The following TTC27 variants were observed in gnomAD, a reference collection of about 807,000 sequenced individuals.
TTC27 encodes tetratricopeptide repeat domain 27.
TTC27 carries 79 observed loss-of-function variants against 115.9 expected under a neutral mutation model. The observed-to-expected ratio is 0.68, with a 90% CI of 0.57 to 0.82. The LOEUF (loss-of-function observed/expected upper bound fraction) is 0.82. Ranked by LOEUF, TTC27 falls within the 40% of genes least tolerant of loss-of-function variation. The pLI is 0.00. For missense variants in TTC27, 1,054 were observed against 993.1 expected, an observed-to-expected ratio of 1.06 and a Z score of -0.82; for synonymous variants, 401 against 356.0, an observed-to-expected ratio of 1.13 and a Z score of -1.42.
intron 9 of TTC27, among the ~76,000 whole-genome samples, chr2:32,679,821 G>C (rs1666353871): frequency 6.6e-6 from 1 of 152,044 alleles, no homozygotes; most frequent in Non-Finnish European, 1.5e-5. Flanking sequence ...ATGAAACCCT[G>C]TCTCTACCAA....
At chr2:32,761,179 C>T (rs1426666463) in intron 13 of TTC27, among the ~76,000 whole-genome samples, 1 of 152,162 alleles carries the variant, frequency 6.6e-6, no homozygotes, top group East Asian at 1.9e-4. Context: ...TCCTTATCCT[C>T]ATCCCTATAA....
intron 18 of TTC27, 44 bp downstream of exon 18, chr2:32,812,659 T>A: frequency 7.0e-7 from 1 of 1,431,754 alleles, no homozygotes; most frequent in Non-Finnish European, 9.8e-7. Flanking sequence ...TTTTGACTTA[T>A]TTTCTACTGA....
chr2:32,721,865 G>C (rs1227481415), intron 10 of TTC27, among the ~76,000 whole-genome samples: 2 of 151,960 alleles, frequency 1.3e-5, no homozygotes, highest in African/African-American at 4.8e-5. Flanking sequence ...TGAACTCCTG[G>C]CCCCAACTTC....
intron 16 of TTC27, among the ~76,000 whole-genome samples, chr2:32,808,621 G>C (rs1336328059): frequency 1.3e-5 from 2 of 152,066 alleles, no homozygotes; most frequent in Non-Finnish European, 2.9e-5. Context: ...CATACACAGA[G>C]GAGGCACAAA....
intron 15 of TTC27, among the ~76,000 whole-genome samples, chr2:32,785,389 A>G (rs375162456): frequency 2.0e-5 from 3 of 152,304 alleles, no homozygotes; most frequent in South Asian, 2.1e-4. Flanking sequence ...ATCTTTGGAT[A>G]TAAAGAATCC....
chr2:32,797,167 C>A (rs1245389375), intron 16 of TTC27, among the ~76,000 whole-genome samples: 2 of 112,276 alleles, frequency 1.8e-5, no homozygotes, highest in East Asian at 2.4e-4. Flanking sequence ...GAGTGAAACT[C>A]TGTCTCAAAA....
At chr2:32,653,694 T>C (rs1041260152) in intron 5 of TTC27, among the ~76,000 whole-genome samples, 6 of 152,218 alleles carry the variant, frequency 3.9e-5, no homozygotes, top group East Asian at 1.9e-4. Context: ...ATAAATGTTA[T>C]TGAATGTACT....
chr2:32,811,548 C>G (rs1671317380), intron 17 of TTC27, among the ~76,000 whole-genome samples: 1 of 152,100 alleles, frequency 6.6e-6, no homozygotes, highest in Admixed American at 6.5e-5. Context: ...CTGCAGGCAC[C>G]TTGCTAAAGA....
At chr2:32,750,675 A>G (rs533058671) in intron 12 of TTC27, among the ~76,000 whole-genome samples, 3 of 152,206 alleles carry the variant, frequency 2.0e-5, no homozygotes, top group Non-Finnish European at 2.9e-5. Flanking sequence ...AAACTTTAAA[A>G]TTTCTTCAAA....
intron 4 of TTC27, among the ~76,000 whole-genome samples, chr2:32,643,973 G>C (rs1664750154): frequency 6.6e-6 from 1 of 151,698 alleles, no homozygotes; most frequent in Admixed American, 6.6e-5. Flanking sequence ...CTGAGGTCAG[G>C]AGTTTGAGAC....
At chr2:32,688,677 A>G (rs554392497) in intron 9 of TTC27, among the ~76,000 whole-genome samples, 15 of 152,282 alleles carry the variant, frequency 9.9e-5, no homozygotes, top group Middle Eastern at 3.4e-3. Flanking sequence ...AACATTAGTC[A>G]TCAGAGAAAT....
At chr2:32,664,221 T>G in intron 5 of TTC27, 82 bp from the exon 6 acceptor site, 3 of 1,225,786 alleles carry the variant, frequency 2.4e-6, no homozygotes, top group Non-Finnish European at 3.4e-6. Context: ...CTATATACTT[T>G]ATGTATTATA....
chr2:32,650,358 T>A, intron 5 of TTC27, 125 bp downstream of exon 5: 1 of 332,218 alleles, frequency 3.0e-6, no homozygotes, highest in Non-Finnish European at 5.4e-6. Flanking sequence ...TGTTTCTTTT[T>A]TTTTTTTTTT....
intron 10 of TTC27, among the ~76,000 whole-genome samples, chr2:32,724,049 T>C (rs1668031131): frequency 6.7e-6 from 1 of 149,694 alleles, no homozygotes; most frequent in African/African-American, 2.5e-5. Flanking sequence ...TCAATAAATA[T>C]TTGTTATTCT....
In TTC27 at chr2:32,692,036, GTTTTTTTTTTTT is replaced by G. The variant is rs779547700; in HGVS notation, c.1120-10756_1120-10745del. Among the ~76,000 whole-genome samples, 6 of 61,188 alleles carry G rather than the reference GTTTTTTTTTTTT, an allele frequency of 9.8e-5. No individual in the cohort carries two copies. The Admixed American group carries it at 1.4e-3, about 14-fold the overall frequency. 40.1% of individuals were successfully genotyped at this position (61,188 alleles called of 152,430 possible). A position where few individuals can be genotyped will look rare whatever the true frequency, so the allele number is the denominator to read the frequency against. On this transcript the variant is annotated intron_variant, in intron 9 of 19. Coordinates refer to ENST00000317907, the MANE Select transcript of TTC27 (RefSeq NM_017735.5). ...GGGATATTCTTTTTTAATTTTTTAG[GTTTTTTTTTTTT>G]TTTTTTTTTTTTTTGTAGAGACAGG...
At chr2:32,649,495 T>C (rs1665000896) in intron 4 of TTC27, among the ~76,000 whole-genome samples, 1 of 151,934 alleles carries the variant, frequency 6.6e-6, no homozygotes, top group Non-Finnish European at 1.5e-5. Flanking sequence ...AAGGAGTTGG[T>C]ACTCGGATTA....
chr2:32,672,913 G>C (rs753161662), intron 8 of TTC27, among the ~76,000 whole-genome samples: 2 of 152,022 alleles, frequency 1.3e-5, no homozygotes, highest in Non-Finnish European at 2.9e-5. Flanking sequence ...TGTTATTTTT[G>C]TACATAGTCA....
chr2:32,638,840 AT>A (rs545271716), intron 3 of TTC27, among the ~76,000 whole-genome samples: 3 of 148,802 alleles, frequency 2.0e-5, no homozygotes, highest in Non-Finnish European at 3.0e-5. Context: ...CAGTTATTTC[AT>A]TTTTTTTTTG....
chr2:32,777,959 C>T lies in TTC27; in HGVS notation c.1758C>T (p.Arg586=), dbSNP rs1343302167. ...AAGGTTCAGCAAAGGCATTTCAGCG[C>T]TGTGTGACTCTAGAACCCGATGTAA... ...DYQGSAKAFQ[R]CVTLEPDNAE... is the part of the protein sequence containing the mutation. The change falls in exon 14 of 20, where the codon CGC becomes CGT. Residue 586 remains arginine (R), a synonymous_variant. Transcript: ENST00000317907. 6 of 1,613,880 alleles carry T rather than the reference C, an allele frequency of 3.7e-6. No individual in the cohort carries two copies. The highest frequency in any genetic ancestry group is 5.1e-6 in the Non-Finnish European group (6 of 1,180,000).
Sources: gnomAD v4.1 joint callset for allele counts (sites outside exome capture counted in the v4.1 genomes callset) on GRCh38, gnomAD v4.1.1 for gene constraint, MANE v1.5 for transcripts, NCBI Gene and HGNC (gene_info 2026-07-23, HGNC 2026-07-21) for gene names.